OTOGL: variants seen among roughly 807,000 people sequenced by gnomAD.
OTOGL encodes otogelin-like protein.
OTOGL carries 285 observed loss-of-function variants against 318.5 expected under a neutral mutation model. The observed-to-expected ratio is 0.89, with a 90% CI of 0.81 to 0.99. OTOGL has a LOEUF of 0.99. OTOGL is among the 50% of genes least tolerant of loss of function. OTOGL has a pLI of 0.00. For synonymous variants in OTOGL, 987 were observed against 936.5 expected (o/e 1.05, Z -0.99); for missense variants, 2,899 against 2,845.6 (o/e 1.02, Z -0.43).
At chr12:80,368,646 T>G (rs887153688) in intron 55 of OTOGL, among the ~76,000 whole-genome samples, 1 of 152,124 alleles carries the variant, frequency 6.6e-6, no homozygotes, top group South Asian at 2.1e-4. Flanking sequence ...TTCAGATAAA[T>G]TAGATATTAC....
intron 1 of OTOGL, among the ~76,000 whole-genome samples, chr12:80,144,613 T>C (rs996220799): frequency 6.6e-6 from 1 of 151,940 alleles, no homozygotes; most frequent in African/African-American, 2.4e-5. Context: ...TAGTTCTAGA[T>C]CCCTGAGGAA....
chr12:80,321,766 A>G (rs1887350760), intron 34 of OTOGL, among the ~76,000 whole-genome samples: 1 of 152,150 alleles, frequency 6.6e-6, no homozygotes, highest in Non-Finnish European at 1.5e-5. Context: ...TTGCATTCTT[A>G]GGTGTGGTGA....
intron 11 of OTOGL, among the ~76,000 whole-genome samples, chr12:80,250,187 G>T (rs567116027): frequency 6.6e-6 from 1 of 152,134 alleles, no homozygotes; most frequent in African/African-American, 2.4e-5. Context: ...CTTGGCTCGA[G>T]AGTCTGAAAA....
At chr12:80,219,068 GT>G (rs1428659779) in intron 5 of OTOGL, among the ~76,000 whole-genome samples, 1 of 151,800 alleles carries the variant, frequency 6.6e-6, no homozygotes, top group Non-Finnish European at 1.5e-5. Context: ...CTCCCTTTGA[GT>G]TTTATGCTTT....
chr12:80,224,818 G>A (rs1878678204), intron 7 of OTOGL, among the ~76,000 whole-genome samples: 1 of 151,858 alleles, frequency 6.6e-6, no homozygotes, highest in Admixed American at 6.6e-5. Flanking sequence ...AAATCTTCGT[G>A]ACCCAGAGAA....
Position 80,352,211 on chromosome 12 carries a change from A to G in OTOGL, c.5266-84A>G. 3 of 1,262,526 alleles carry G rather than the reference A, an allele frequency of 2.4e-6. No homozygotes were observed. The South Asian group carries it at 4.8e-5, about 20-fold the overall frequency. 78.2% of individuals were successfully genotyped at this position (1,262,526 alleles called of 1,614,324 possible). On this transcript the variant is annotated intron_variant, in intron 44 of 58. Transcript: ENST00000547103. ...ATGAATATTAACTTGCTACCCTTTGATTCTCCAAATAATCTTAGTCTAGCT... is the reference window on the plus strand; with the variant it reads ...ATGAATATTAACTTGCTACCCTTTGGTTCTCCAAATAATCTTAGTCTAGCT...
intron 7 of OTOGL, among the ~76,000 whole-genome samples, chr12:80,225,478 T>A (rs1878750291): frequency 6.6e-6 from 1 of 152,082 alleles, no homozygotes; most frequent in Non-Finnish European, 1.5e-5. Context: ...AATGTCACTT[T>A]CCCCTTGATT....
intron 54 of OTOGL, 29 bp downstream of exon 54, chr12:80,367,768 G>A (rs1890639502): frequency 7.6e-7 from 1 of 1,310,298 alleles, no homozygotes. Flanking sequence ...TTATTCTGGT[G>A]AGAGTTAATG....
intron 1 of OTOGL, among the ~76,000 whole-genome samples, chr12:80,110,675 C>T (rs1869783263): frequency 6.6e-6 from 1 of 152,090 alleles, no homozygotes. Context: ...GGGTTAGTTC[C>T]AAGTCTCTGC....
rs117533762 is a variant in OTOGL at position 80,311,840 on chromosome 12, T to G, written c.3450+1113T>G. ...AAAGTTAGATCCACCCCTGCGAGCT[T>G]ATAAGGTTTTTGATACTTAATGAGT... On this transcript the variant is annotated intron_variant, in intron 30 of 58. Coordinates refer to ENST00000547103, the MANE Select transcript of OTOGL (RefSeq NM_001378609.3). Among the ~76,000 whole-genome samples, 1,105 of 152,340 alleles carry G rather than the reference T, an allele frequency of 7.3e-3. 5 individuals carry two copies. Among genetic ancestry groups the G allele is most frequent in the Admixed American group, 0.015 (237 of 15,300 alleles).
At chr12:80,279,299 C>A in intron 26 of OTOGL, 133 bp downstream of exon 26, 1 of 978,702 alleles carries the variant, frequency 1.0e-6, no homozygotes, top group Non-Finnish European at 1.4e-6. Context: ...ATATTTTCAA[C>A]TTTTATTTCA....
intron 46 of OTOGL, 133 bp from the exon 47 acceptor site, chr12:80,355,603 C>G: frequency 1.5e-6 from 1 of 659,750 alleles, no homozygotes; most frequent in East Asian, 2.9e-5. Flanking sequence ...AAAGAGAAAT[C>G]TGAGAAAAAC....
At chr12:80,298,259 A>G (rs752578046) in intron 27 of OTOGL, among the ~76,000 whole-genome samples, 1 of 152,042 alleles carries the variant, frequency 6.6e-6, no homozygotes, top group African/African-American at 2.4e-5. Flanking sequence ...TAATATGGGA[A>G]CTCCTGGGAA....
At chr12:80,201,960 C>G (rs889810020) in intron 1 of OTOGL, among the ~76,000 whole-genome samples, 5 of 152,186 alleles carry the variant, frequency 3.3e-5, no homozygotes, top group Non-Finnish European at 7.3e-5. Flanking sequence ...TGTCTGCATT[C>G]TACCATCTGA....
At chr12:80,293,040 T>C (rs1885151250) in intron 26 of OTOGL, among the ~76,000 whole-genome samples, 1 of 152,256 alleles carries the variant, frequency 6.6e-6, no homozygotes, top group Non-Finnish European at 1.5e-5. Context: ...GAGTCACAGG[T>C]AACTGCAAAA....
At chr12:80,370,796 A>G (rs1047477100) in intron 56 of OTOGL, 107 bp downstream of exon 56, 6 of 797,970 alleles carry the variant, frequency 7.5e-6, no homozygotes, top group African/African-American at 1.8e-5. Flanking sequence ...CATAATGGCG[A>G]ATGTGTTATT....
At position 80,270,162 on chromosome 12, in the gene OTOGL, C is replaced by A. The variant is rs2137582367; in HGVS notation, c.2518+8C>A. ...TAGCAACGCCCTCTGCTGGTAAGATCTTAAAAGATGTTTTCCTGAATGAGG... is the reference window on the plus strand; with the variant it reads ...TAGCAACGCCCTCTGCTGGTAAGATATTAAAAGATGTTTTCCTGAATGAGG... On this transcript the variant is annotated splice_region_variant and intron_variant, in intron 23 of 58. Transcript: ENST00000547103. 1.9e-6 allele frequency: 3 copies of A among 1,594,134 alleles called. No individual in the cohort carries two copies. The East Asian group carries it at 6.7e-5, about 36-fold the overall frequency.
chr12:80,228,288 G>C (rs1901257), intron 7 of OTOGL, among the ~76,000 whole-genome samples: 151,729 of 152,168 alleles, frequency 1, 75,649 homozygotes, highest in Non-Finnish European at 1. Context: ...CAAAAAAATA[G>C]AAAAATTAGC....
chr12:80,279,207 G>C (rs1041737847), intron 26 of OTOGL, 41 bp downstream of exon 26: 1 of 1,534,206 alleles, frequency 6.5e-7, no homozygotes, highest in East Asian at 2.3e-5. Flanking sequence ...TTCGTGTAAA[G>C]ATTTAATGTA....
Sources: allele counts gnomAD v4.1 joint callset (sites outside exome capture counted in the v4.1 genomes callset), GRCh38; gene constraint gnomAD v4.1.1; transcripts MANE v1.5; gene names NCBI Gene and HGNC (gene_info 2026-07-23, HGNC 2026-07-21).